BRCA2: variants seen among roughly 807,000 people sequenced by gnomAD.
BRCA2 encodes the protein BRCA2 DNA repair associated.
BRCA2 carries 203 observed loss-of-function variants against 276.7 expected under a neutral mutation model. That is an observed-to-expected ratio of 0.73 (90% CI 0.65 to 0.82). The LOEUF is 0.82. Among genes scored for constraint, BRCA2 ranks in the 40% least tolerant of loss-of-function variants. The pLI, the probability that BRCA2 is intolerant of heterozygous loss-of-function variation, is 0.00. For synonymous variants in BRCA2, 1,289 were observed against 1,338.4 expected (o/e 0.96, Z 0.81); for missense variants, 3,920 against 3,915.0 (o/e 1.00, Z -0.03).
intron 6 of BRCA2, 88 bp downstream of exon 6, chr13:32,326,370 T>C (rs2137451248): frequency 6.6e-7 from 1 of 1,503,764 alleles, no homozygotes; most frequent in Non-Finnish European, 9.2e-7. Flanking sequence ...TTTACAAATC[T>C]GTACCTAGCA....
chr13:32,393,525 T>A (rs946580706), intron 24 of BRCA2, among the ~76,000 whole-genome samples: 1 of 152,232 alleles, frequency 6.6e-6, no homozygotes, highest in African/African-American at 2.4e-5. Context: ...GTGTGTTCTT[T>A]CAACCAGCTT....
In BRCA2 at chr13:32,363,386, TA is replaced by T. The variant is rs2072758379; in HGVS notation, c.8186del (p.Lys2729ArgfsTer4). 1.2e-6 allele frequency: 2 copies of T among 1,614,052 alleles called. No individual in the cohort carries two copies. Among genetic ancestry groups the T allele is most frequent in the Admixed American group, 1.7e-5 (1 of 60,006 alleles). On this transcript the variant is annotated frameshift_variant, in exon 18 of 27. Transcript: ENST00000380152. LOFTEE classifies it high-confidence loss of function. Reference sequence around the variant, plus strand: ...AACTTACAGATGGGTGGTATGCTGTTAAGGCCCAGTTAGATCCTCCCCTCTT... The same window carrying T: ...AACTTACAGATGGGTGGTATGCTGTTAGGCCCAGTTAGATCCTCCCCTCTT... ...IELTDGWYAV[K>X]AQLDPPLLAV... is the part of the protein sequence containing the mutation.
Position 32,396,885 on chromosome 13 carries a change from C to T in BRCA2, c.9502-13C>T, listed in dbSNP as rs1593200836. On this transcript the variant is annotated splice_polypyrimidine_tract_variant and intron_variant, in intron 25 of 26. Transcript: ENST00000380152. ...TGCAATTTATAAAGCAGCTTTTCCA[C>T]TTATTTTCTTAGAATATTGACATAC... 1 of 1,613,938 alleles carries T rather than the reference C, an allele frequency of 6.2e-7. No individual in the cohort carries two copies. Among genetic ancestry groups the T allele is most frequent in the South Asian group, 1.1e-5 (1 of 91,080 alleles).
rs80358448 is a variant in BRCA2, at chr13:32,333,109, C to T, written c.1631C>T (p.Thr544Ile). ...TCTGAAAGTGGACTGGAAATACATA[C>T]TGTTTGCTCACAGAAGGAGGACTCC... ...EASESGLEIH[T>I]VCSQKEDSLC... is the part of the protein sequence containing the mutation. The change falls in exon 10 of 27, where the codon ACT (threonine) becomes ATT (isoleucine). Residue 544 changes from threonine to isoleucine, a missense_variant. Coordinates refer to ENST00000380152, the MANE Select transcript of BRCA2 (RefSeq NM_000059.4). 46 of 1,613,846 alleles carry T rather than the reference C, an allele frequency of 2.9e-5. No individual in the cohort carries two copies. The highest frequency in any genetic ancestry group is 3.5e-5 in the Non-Finnish European group (41 of 1,180,004).
chr13:32,345,608 G>A (rs1299539677), intron 12 of BRCA2, among the ~76,000 whole-genome samples: 1 of 151,994 alleles, frequency 6.6e-6, no homozygotes, highest in Non-Finnish European at 1.5e-5. Flanking sequence ...TATCTGAAAT[G>A]CTTGGGACCA....
intron 21 of BRCA2, among the ~76,000 whole-genome samples, chr13:32,378,797 G>C (rs2072891335): frequency 6.6e-6 from 1 of 152,126 alleles, no homozygotes; most frequent in African/African-American, 2.4e-5. Context: ...AGTATGTTTA[G>C]TACATATCTG....
intron 18 of BRCA2, among the ~76,000 whole-genome samples, chr13:32,369,919 G>C (rs9634672): frequency 6.6e-6 from 1 of 152,052 alleles, no homozygotes; most frequent in African/African-American, 2.4e-5. Flanking sequence ...ACCATGCCAG[G>C]TACCTTAGTA....
At chr13:32,350,286 G>GA (rs2072638623) in intron 13 of BRCA2, among the ~76,000 whole-genome samples, 1 of 151,928 alleles carries the variant, frequency 6.6e-6, no homozygotes, top group African/African-American at 2.4e-5. Flanking sequence ...TCAAGGAGAA[G>GA]AAAAAATGTT....
chr13:32,383,537 T>A (rs1282567041), intron 24 of BRCA2, among the ~76,000 whole-genome samples: 3 of 152,148 alleles, frequency 2.0e-5, no homozygotes, highest in Non-Finnish European at 2.9e-5. Flanking sequence ...CGTGTTCAGC[T>A]CTGATGGTGT....
At chr13:32,397,370 C>T (rs1247511379) in intron 26 of BRCA2, among the ~76,000 whole-genome samples, 1 of 152,160 alleles carries the variant, frequency 6.6e-6, no homozygotes, top group African/African-American at 2.4e-5. Context: ...GTGGTTAAAT[C>T]ACAGTAGATG....
Position 32,355,266 on chromosome 13 carries a change from A to G in BRCA2, c.7413A>G (p.Thr2471=), listed in dbSNP as rs138067005. 35 of 1,613,676 alleles carry G rather than the reference A, an allele frequency of 2.2e-5. No individual in the cohort carries two copies. Among genetic ancestry groups the G allele is most frequent in the Non-Finnish European group, 3.0e-5 (35 of 1,179,828 alleles). ...ATCAAGCAGTAGCTGTAACTTTCAC[A>G]AAGTGTGAAGAAGAACCTTTAGGTA... ...NSNQAVAVTF[T]KCEEEPLDLI... is the part of the protein sequence containing the mutation. The change falls in exon 14 of 27, where the codon ACA becomes ACG. Residue 2471 remains threonine (T), a synonymous_variant. Transcript: ENST00000380152.
chr13:32,335,082 G>T (rs989053550), intron 10 of BRCA2, among the ~76,000 whole-genome samples: 1 of 152,114 alleles, frequency 6.6e-6, no homozygotes, highest in East Asian at 1.9e-4. Flanking sequence ...AGTGGCTCAC[G>T]CCTATAATCC....
chr13:32,321,200 T>C (rs1417363371), intron 3 of BRCA2, among the ~76,000 whole-genome samples: 2 of 152,242 alleles, frequency 1.3e-5, no homozygotes, highest in East Asian at 1.9e-4. Flanking sequence ...GTAACAGTCA[T>C]AGAAATGGAT....
At chr13:32,380,166 T>A (rs769701257) in intron 24 of BRCA2, 21 bp downstream of exon 24, 52 of 1,583,350 alleles carry the variant, frequency 3.3e-5, no homozygotes, top group South Asian at 1.2e-5. Context: ...ATATAGTTAA[T>A]TTTTTTTATT....
chr13:32,379,893 A>C lies in BRCA2; in HGVS notation c.9097A>C (p.Thr3033Pro), dbSNP rs766308212. ...CATACAGTTAGCAGCGACAAAAAAAACTCAGTATCAACAACTACCGGTACA... is the reference window on the plus strand; with the variant it reads ...CATACAGTTAGCAGCGACAAAAAAACCTCAGTATCAACAACTACCGGTACA... ...ANIQLAATKK[T>P]QYQQLPVSDE... Residue 3033 changes from threonine to proline, a missense_variant, in exon 23 of 27, where the codon ACT becomes CCT. By Grantham distance (38) the Thr-to-Pro change is conservative. Around this residue, in one of 2 missense-constraint regions of BRCA2, gnomAD observed 657 missense variants for 758.2 expected, o/e 0.87. Transcript: ENST00000380152. 6.2e-7 allele frequency: 1 copy of C among 1,613,806 alleles called. No homozygotes were observed. The highest frequency in any genetic ancestry group is 1.1e-5 in the South Asian group (1 of 91,060).
intron 13 of BRCA2, among the ~76,000 whole-genome samples, chr13:32,353,471 AAGC>A (rs376078933): frequency 0.23 from 34,287 of 152,040 alleles, 3,973 homozygotes; most frequent in East Asian, 0.4. Context: ...TAGAGACTAA[AAGC>A]CCTTGTCATG....
At position 32,333,242 on chromosome 13, in the gene BRCA2, T is replaced by C; in HGVS notation, c.1764T>C (p.Asn588=). ...TATCCACTTTGAAAAAGAAAACAAA[T>C]AAGTTTATTTATGCTATACATGATG... ...GLISTLKKKT[N]KFIYAIHDET... Residue 588 remains asparagine (N), a synonymous_variant, in exon 10 of 27, where the codon AAT becomes AAC. Transcript: ENST00000380152. The C allele has an allele frequency of 6.2e-7, 1 of 1,612,052 alleles. No homozygotes were observed. The highest frequency in any genetic ancestry group is 8.5e-7 in the Non-Finnish European group (1 of 1,178,884).
At chr13:32,384,875 G>A (rs1237297184) in intron 24 of BRCA2, 1 of 295,736 alleles carries the variant, frequency 3.4e-6, no homozygotes, top group East Asian at 7.2e-5. Context: ...GAATGAGGAA[G>A]TGCTGGAGAA....
chr13:32,327,263 C>T (rs1566219712), intron 7 of BRCA2, among the ~76,000 whole-genome samples: 1 of 152,108 alleles, frequency 6.6e-6, no homozygotes, highest in Non-Finnish European at 1.5e-5. Flanking sequence ...GCCTGTACAA[C>T]GTGGTGAAAC....
Sources: allele counts gnomAD v4.1 joint callset (sites outside exome capture counted in the v4.1 genomes callset), GRCh38; gene constraint gnomAD v4.1.1; regional missense constraint gnomAD v4.1.1; transcripts MANE v1.5; gene names NCBI Gene and HGNC (gene_info 2026-07-23, HGNC 2026-07-21).